MAOB: variants seen among roughly 807,000 people sequenced by gnomAD.
MAOB encodes monoamine oxidase B, also known as amine oxidase [flavin-containing] B.
In MAOB, 15 loss-of-function variants were observed where a neutral mutation model predicts 41.9. The observed-to-expected ratio is 0.36, with a 90% CI of 0.24 to 0.55. The LOEUF (loss-of-function observed/expected upper bound fraction) is 0.55. MAOB is among the 20% of genes least tolerant of loss of function. The pLI is 0.86. For missense variants in MAOB, 345 were observed against 398.7 expected (o/e 0.87, Z 1.15); for synonymous variants, 167 against 144.2 (o/e 1.16, Z -1.13).
At chrX:43,844,542 T>C (rs1022201330) in intron 1 of MAOB, 1 of 111,952 alleles carries the variant, frequency 8.9e-6, no homozygotes, top group Non-Finnish European at 1.9e-5. Flanking sequence ...TGGGTGTCCC[T>C]GTGAGGGTGT....
At chrX:43,770,698 A>T (rs147569725) in intron 12 of MAOB, among the ~76,000 whole-genome samples, 1,321 of 111,927 alleles carry the variant, frequency 0.012, 19 homozygotes, top group African/African-American at 0.041. Flanking sequence ...ATATGCCAAG[A>T]GCCACACTCC....
At chrX:43,833,106 T>C (rs891332955) in intron 3 of MAOB, among the ~76,000 whole-genome samples, 2 of 111,630 alleles carry the variant, frequency 1.8e-5, no homozygotes, top group African/African-American at 6.5e-5. Context: ...CCCAAAAGCC[T>C]CAACTCATGC....
At chrX:43,843,929 A>C (rs2035171034) in intron 1 of MAOB, 165 bp from the exon 2 acceptor site, 1 of 984,637 alleles carries the variant, frequency 1.0e-6, no homozygotes, top group Non-Finnish European at 1.3e-6. Flanking sequence ...CCAGAGTCTG[A>C]TGTTTCTGGA....
chrX:43,768,224 G>T (rs896497130), intron 14 of MAOB, among the ~76,000 whole-genome samples: 2 of 112,120 alleles, frequency 1.8e-5, no homozygotes, highest in African/African-American at 6.5e-5. Context: ...AAAATGATGA[G>T]TATATTAAAA....
rs142297620 is a variant in MAOB, at chrX:43,842,620, C to T, written c.141+1050G>A. On this transcript the variant is annotated intron_variant, in intron 2 of 14. Coordinates refer to ENST00000378069, the MANE Select transcript of MAOB (RefSeq NM_000898.5). Reference sequence around the variant, plus strand: ...TCAATATGTCAAAGAGATATCTGCACACCCATGTTCATTGCAGCATTATCT... The same window carrying T: ...TCAATATGTCAAAGAGATATCTGCATACCCATGTTCATTGCAGCATTATCT... Among the ~76,000 whole-genome samples the T allele has an allele frequency of 8.9e-5, 10 of 112,445 alleles. No individual in the cohort carries two copies. The East Asian group carries it at 2.8e-3, about 31-fold the overall frequency.
intron 1 of MAOB, among the ~76,000 whole-genome samples, chrX:43,847,347 AAAAAT>A (rs778784137): frequency 9.8e-4 from 109 of 111,312 alleles, no homozygotes; most frequent in African/African-American, 3.3e-3. Flanking sequence ...TCTGTCTTAA[AAAAAT>A]AAAATAAAAT....
At chrX:43,873,728 G>C (rs971443041) in intron 1 of MAOB, among the ~76,000 whole-genome samples, 7 of 111,584 alleles carry the variant, frequency 6.3e-5, no homozygotes, top group Non-Finnish European at 1.1e-4. Context: ...CCAGGCTGGA[G>C]TGCAGTAGTG....
rs756232919 is a variant in MAOB at position 43,802,153 on chromosome X, G to A, written c.476+19C>T. On this transcript the variant is annotated intron_variant, in intron 5 of 14. Coordinates refer to ENST00000378069, the MANE Select transcript of MAOB (RefSeq NM_000898.5). ...AAAGGTGGTCACAGTAAATGCCTGT[G>A]CCTAATGGCAAGACTTACTCAGTCC... 3.4e-6 allele frequency: 4 copies of A among 1,171,510 alleles called. No individual in the cohort carries two copies. Among genetic ancestry groups the A allele is most frequent in the Non-Finnish European group, 4.6e-6 (4 of 862,900 alleles).
At position 43,839,018 on chromosome X, in the gene MAOB, A is replaced by T; in HGVS notation, c.142-13T>A. On this transcript the variant is annotated splice_polypyrimidine_tract_variant and intron_variant, in intron 2 of 14. Transcript: ENST00000378069. The stretch of plus-strand genomic sequence containing the variant: ...TAACCTTTTGGTTCTGTTTTCCCAT[A>T]GGAAAAAATTAAAAAAAATTTGTAA... 8.8e-7 allele frequency: 1 copy of T among 1,134,538 alleles called. No homozygotes were observed. Among genetic ancestry groups the T allele is most frequent in the Non-Finnish European group, 1.2e-6 (1 of 852,360 alleles). The allele number at this position is 1,134,538 out of a possible 1,213,427, so 93.5% of individuals were successfully genotyped here.
intron 1 of MAOB, among the ~76,000 whole-genome samples, chrX:43,881,325 G>A (rs111876648): frequency 0.035 from 4,003 of 113,269 alleles, 84 homozygotes; most frequent in South Asian, 0.18. Context: ...CTTAGACAAT[G>A]CATCCACGGG....
chrX:43,838,988 A>G lies in MAOB; in HGVS notation c.159T>C (p.Tyr53=), dbSNP rs2035101852. ...CAACATAGGATCCTCCAAGGTCCAC[A>G]TATTTAACCTTTTGGTTCTGTTTTC... The part of the protein sequence containing the change: ...TYTLRNQKVK[Y]VDLGGSYVGP... Residue 53 remains tyrosine (Y), a synonymous_variant, in exon 3 of 15, where the codon TAT becomes TAC. Coordinates refer to ENST00000378069, the MANE Select transcript of MAOB (RefSeq NM_000898.5). The G allele has an allele frequency of 8.5e-7, 1 of 1,180,288 alleles. No individual in the cohort carries two copies. The highest frequency in any genetic ancestry group is 3.0e-5 in the East Asian group (1 of 33,378).
At chrX:43,824,423 C>G (rs1029098910) in intron 3 of MAOB, among the ~76,000 whole-genome samples, 11 of 112,392 alleles carry the variant, frequency 9.8e-5, no homozygotes, top group African/African-American at 3.6e-4. Flanking sequence ...GTGGCTCACA[C>G]CTGTAATTCT....
intron 3 of MAOB, among the ~76,000 whole-genome samples, chrX:43,804,864 C>G (rs1213832933): frequency 8.9e-6 from 1 of 112,001 alleles, no homozygotes; most frequent in Non-Finnish European, 1.9e-5. Context: ...AATAGCTTGA[C>G]AGAAACATTA....
intron 1 of MAOB, among the ~76,000 whole-genome samples, chrX:43,851,059 A>G (rs2035248305): frequency 8.9e-6 from 1 of 112,127 alleles, no homozygotes; most frequent in South Asian, 3.7e-4. Context: ...ACTATCTTTT[A>G]TGTATTGTAA....
At chrX:43,791,417 A>G (rs1287884318) in intron 8 of MAOB, among the ~76,000 whole-genome samples, 2 of 111,842 alleles carry the variant, frequency 1.8e-5, no homozygotes, top group African/African-American at 6.5e-5. Context: ...CAAATATGAC[A>G]AGATTCTAGC....
chrX:43,866,192 G>A (rs2035364241), intron 1 of MAOB, among the ~76,000 whole-genome samples: 1 of 111,017 alleles, frequency 9.0e-6, no homozygotes. Flanking sequence ...TAGAAAAATT[G>A]CCCTTCCAGG....
intron 1 of MAOB, among the ~76,000 whole-genome samples, chrX:43,849,287 G>A (rs1026234406): frequency 5.4e-5 from 6 of 111,995 alleles, no homozygotes; most frequent in Non-Finnish European, 1.1e-4. Flanking sequence ...TGTGCACAAA[G>A]GTCACACAGC....
At chrX:43,848,034 T>C (rs1173110412) in intron 1 of MAOB, among the ~76,000 whole-genome samples, 1 of 112,288 alleles carries the variant, frequency 8.9e-6, no homozygotes. Flanking sequence ...CAATTACGAG[T>C]AGACACCCAA....
intron 12 of MAOB, among the ~76,000 whole-genome samples, chrX:43,771,326 G>T (rs1033423948): frequency 5.4e-5 from 6 of 111,990 alleles, no homozygotes; most frequent in Non-Finnish European, 1.1e-4. Flanking sequence ...TCTGTTAGAT[G>T]ATTATGCCCA....
Sources: allele counts gnomAD v4.1 joint callset (sites outside exome capture counted in the v4.1 genomes callset), GRCh38; gene constraint gnomAD v4.1.1; transcripts MANE v1.5; gene names NCBI Gene and HGNC (gene_info 2026-07-23, HGNC 2026-07-21).